ZNG1C: variants seen among roughly 807,000 people sequenced by gnomAD.
The protein encoded by ZNG1C is zinc-regulated GTPase metalloprotein activator 1C.
At chr9:68,274,024 G>C in the ZNG1C span, 5 of 146,114 alleles carry the variant, frequency 3.4e-5, no homozygotes, top group Non-Finnish European at 7.6e-5. Flanking sequence ...ATTTTTGGTA[G>C]AGACAGGGTT....
the ZNG1C span, among the ~76,000 whole-genome samples, chr9:68,256,669 A>G: frequency 7.6e-6 from 1 of 132,318 alleles, no homozygotes; most frequent in Non-Finnish European, 1.6e-5. Flanking sequence ...TGTTTTGTTT[A>G]TATGTGGTTA....
chr9:68,293,842 G>T, the ZNG1C span, among the ~76,000 whole-genome samples: 1 of 147,796 alleles, frequency 6.8e-6, no homozygotes, highest in African/African-American at 2.5e-5. Flanking sequence ...GGAGTTAAAA[G>T]ATATATACAG....
chr9:68,248,802 C>G, the ZNG1C span: 2 of 408,862 alleles, frequency 4.9e-6, no homozygotes, highest in Non-Finnish European at 8.4e-6. Context: ...TTGGTATTCT[C>G]CAGGGACAAT....
the ZNG1C span, among the ~76,000 whole-genome samples, chr9:68,297,285 G>A: frequency 0.068 from 9,698 of 142,946 alleles, 532 homozygotes; most frequent in South Asian, 0.16. Flanking sequence ...GAGAATCCAC[G>A]AAAGAATGAA....
the ZNG1C span, chr9:68,299,321 G>T: frequency 1.6e-6 from 1 of 619,086 alleles, no homozygotes; most frequent in African/African-American, 1.9e-5. Flanking sequence ...ATGTGACTTT[G>T]ATGTACTGAC....
At chr9:68,290,113 A>G in the ZNG1C span, among the ~76,000 whole-genome samples, 1 of 99,438 alleles carries the variant, frequency 1.0e-5, no homozygotes, top group Non-Finnish European at 2.1e-5. Flanking sequence ...TTTTTCTAAC[A>G]TGAAAAGAGT....
chr9:68,250,124 TGTA>T, the ZNG1C span, among the ~76,000 whole-genome samples: 2 of 115,756 alleles, frequency 1.7e-5, no homozygotes, highest in Non-Finnish European at 3.5e-5. Flanking sequence ...TTATACAAAT[TGTA>T]GTTATAAAAA....
the ZNG1C span, chr9:68,273,886 C>T: frequency 1.9e-5 from 2 of 105,730 alleles, no homozygotes; most frequent in African/African-American, 6.5e-5. Flanking sequence ...CTGTGCCAGG[C>T]TGGAGTGCAG....
At chr9:68,272,156 G>C in the ZNG1C span, among the ~76,000 whole-genome samples, 1 of 82,922 alleles carries the variant, frequency 1.2e-5, no homozygotes, top group Non-Finnish European at 2.7e-5. Flanking sequence ...CTGACCACTG[G>C]AAAATATCCC....
the ZNG1C span, among the ~76,000 whole-genome samples, chr9:68,288,647 ATTTTTTTTTTTTTTTTTTTTTT>A: frequency 1.8e-5 from 1 of 56,966 alleles, no homozygotes; most frequent in Admixed American, 2.0e-4. Context: ...TAATTTTTGT[ATTTTTTTTTTTTTTTTTTTTTT>A]TTTTTAGTAA....
the ZNG1C span, among the ~76,000 whole-genome samples, chr9:68,290,347 T>C: frequency 5.2e-5 from 3 of 57,646 alleles, no homozygotes; most frequent in Admixed American, 2.0e-4. Context: ...GGTGGGTGGA[T>C]TACTTAAAAC....
At chr9:68,276,515 C>T in the ZNG1C span, among the ~76,000 whole-genome samples, 9 of 147,710 alleles carry the variant, frequency 6.1e-5, no homozygotes, top group Admixed American at 1.4e-4. Context: ...TTTCAGCTTT[C>T]GACATATGGC....
the ZNG1C span, among the ~76,000 whole-genome samples, chr9:68,295,586 T>A: frequency 7.3e-6 from 1 of 136,836 alleles, no homozygotes; most frequent in Non-Finnish European, 1.6e-5. Context: ...AGAACAAATA[T>A]CCAGAATCTA....
chr9:68,266,717 T>C, the ZNG1C span, among the ~76,000 whole-genome samples: 34 of 144,660 alleles, frequency 2.4e-4, 2 homozygotes, highest in African/African-American at 8.0e-4. Flanking sequence ...TGTTCTGTTT[T>C]TTTTTTTTTA....
At chr9:68,255,365 CA>C in the ZNG1C span, among the ~76,000 whole-genome samples, 1 of 151,214 alleles carries the variant, frequency 6.6e-6, no homozygotes, top group African/African-American at 2.4e-5. Context: ...CTAGTTAAGA[CA>C]ACCAAAAACA....
At chr9:68,297,234 G>A in the ZNG1C span, among the ~76,000 whole-genome samples, 1 of 149,314 alleles carries the variant, frequency 6.7e-6, no homozygotes, top group African/African-American at 2.5e-5. Flanking sequence ...CTGGCCCTGT[G>A]TAGTGAGTAC....
chr9:68,281,043 C>A, the ZNG1C span, among the ~76,000 whole-genome samples: 1 of 129,108 alleles, frequency 7.7e-6, no homozygotes, highest in African/African-American at 3.0e-5. Context: ...TCCTGGTGCG[C>A]GGTTTTTTAA....
At chr9:68,276,292 G>A in the ZNG1C span, among the ~76,000 whole-genome samples, 2 of 132,484 alleles carry the variant, frequency 1.5e-5, no homozygotes, top group East Asian at 4.1e-4. Flanking sequence ...TTGCTGTGCA[G>A]AAGCTGTTTA....
chr9:68,287,592 A>G, the ZNG1C span, among the ~76,000 whole-genome samples: 3 of 152,306 alleles, frequency 2.0e-5, no homozygotes, highest in African/African-American at 4.8e-5. Context: ...AAACGTGCAT[A>G]AGAGTAGAAT....
Sources: allele counts gnomAD v4.1 joint callset (sites outside exome capture counted in the v4.1 genomes callset), GRCh38; gene constraint gnomAD v4.1.1; transcripts MANE v1.5; gene names NCBI Gene and HGNC (gene_info 2026-07-23, HGNC 2026-07-21).